The following RAD54B variants were observed in gnomAD, a reference collection of about 807,000 sequenced individuals.
RAD54B encodes RAD54 homolog B, also known as DNA repair and recombination protein RAD54B.
RAD54B carries 78 observed loss-of-function variants against 95.8 expected under a neutral mutation model. The ratio of observed to expected loss-of-function variants is 0.81; its 90% CI spans 0.68 to 0.98. The LOEUF (loss-of-function observed/expected upper bound fraction) is 0.98, where lower values mean the gene tolerates loss of function less well. Among genes scored for constraint, RAD54B ranks in the 50% least tolerant of loss-of-function variants. RAD54B has a pLI of 0.00. For synonymous variants in RAD54B, 328 were observed against 354.9 expected (o/e 0.92, Z 0.85); for missense variants, 957 against 1,056.6 (o/e 0.91, Z 1.31).
At chr8:94,453,884 C>T (rs1304868837) in intron 3 of RAD54B, among the ~76,000 whole-genome samples, 13 of 151,962 alleles carry the variant, frequency 8.6e-5, no homozygotes, top group African/African-American at 2.9e-4. Flanking sequence ...CTCTGCCTCC[C>T]GGGTTCAAGC....
intron 3 of RAD54B, chr8:94,428,146 C>A (rs1811990876): frequency 1.2e-6 from 1 of 860,560 alleles, no homozygotes; most frequent in Non-Finnish European, 1.4e-6. Flanking sequence ...AAGTGGCTAT[C>A]CACTATCTAA....
intron 3 of RAD54B, among the ~76,000 whole-genome samples, chr8:94,448,209 T>G (rs914907953): frequency 6.6e-6 from 1 of 152,100 alleles, no homozygotes; most frequent in African/African-American, 2.4e-5. Context: ...TTCTATAGTT[T>G]TGGGTTTTTT....
In RAD54B at chr8:94,407,406, A is replaced by G. The variant is rs115341573; in HGVS notation, c.781+33T>C. The G allele has an allele frequency of 5.0e-4, 775 of 1,556,594 alleles. 6 individuals carry two copies. The African/African-American group carries it at 9.5e-3, about 19-fold the overall frequency. On this transcript the variant is annotated intron_variant, in intron 5 of 14. Coordinates refer to ENST00000336148, the MANE Select transcript of RAD54B (RefSeq NM_012415.3). Reference sequence around the variant, plus strand: ...ACACAAAAAACATTTTGACAGTAAAAACAGAAAATTCAAATTATTTTTAAA... The same window carrying G: ...ACACAAAAAACATTTTGACAGTAAAGACAGAAAATTCAAATTATTTTTAAA...
intron 3 of RAD54B, among the ~76,000 whole-genome samples, chr8:94,422,587 CAAAAAAAAAAAAAAA>C (rs60701725): frequency 2.1e-4 from 3 of 14,296 alleles, no homozygotes; most frequent in Non-Finnish European, 4.8e-4. Context: ...GACTTCGTCT[CAAAAAAAAAAAAAAA>C]AAAAAAAAAA....
At chr8:94,387,240 A>G in intron 10 of RAD54B, 81 bp from the exon 11 acceptor site, 1 of 1,180,088 alleles carries the variant, frequency 8.5e-7, no homozygotes. Flanking sequence ...TTATGGAAGG[A>G]AAAAGGTGAA....
rs1412651660 is a variant in RAD54B at position 94,381,010 on chromosome 8, G to A, written c.1986-604C>T. On this transcript the variant is annotated intron_variant, in intron 11 of 14. Transcript: ENST00000336148. ...AGGGAACTGACTGTAGAAGGCAGGA[G>A]AGCCAATGTAGTGGCTTATGCCTGT... Among the ~76,000 whole-genome samples the A allele has an allele frequency of 2.6e-5, 4 of 152,184 alleles. No individual in the cohort carries two copies. The South Asian group carries it at 6.2e-4, about 24-fold the overall frequency.
intron 4 of RAD54B, among the ~76,000 whole-genome samples, chr8:94,410,385 G>T (rs1388378370): frequency 6.6e-6 from 1 of 152,038 alleles, no homozygotes; most frequent in Admixed American, 6.6e-5. Flanking sequence ...ACTTTGCTTT[G>T]TTCCCACTAA....
chr8:94,393,918 T>G, intron 8 of RAD54B, 36 bp from the exon 9 acceptor site: 1 of 1,538,324 alleles, frequency 6.5e-7, no homozygotes, highest in Non-Finnish European at 8.8e-7. Flanking sequence ...AGGTCAAGTT[T>G]GTGTTTTACA....
intron 3 of RAD54B, chr8:94,431,237 G>C (rs1187822008): frequency 2.1e-6 from 2 of 960,146 alleles, no homozygotes; most frequent in Non-Finnish European, 2.5e-6. Flanking sequence ...GATTTTTACT[G>C]TGAAAGAAAT....
Position 94,400,429 on chromosome 8 carries a change from C to G in RAD54B, c.979G>C (p.Glu327Gln), listed in dbSNP as rs777985585. 1 of 1,613,068 alleles carries G rather than the reference C, an allele frequency of 6.2e-7. No homozygotes were observed. The highest frequency in any genetic ancestry group is 1.1e-5 in the South Asian group (1 of 90,920). ...TGCAATGTCTTCCCTAAACCCATTT[C>G]ATCAGCAAGAATAGCTCCACATCTG... is the stretch of plus-strand genomic sequence containing the variant. Reference protein sequence around the residue: ...NGRCGAILADEMGLGKTLQCI... With the variant: ...NGRCGAILADQMGLGKTLQCI... The change falls in exon 7 of 15, where the codon GAA becomes CAA. Residue 327 changes from glutamate to glutamine, a missense_variant. Glu to Gln is a conservative substitution (Grantham distance 29). Coordinates refer to ENST00000336148, the MANE Select transcript of RAD54B (RefSeq NM_012415.3).
At chr8:94,474,027 C>T (rs1813232661) in intron 1 of RAD54B, among the ~76,000 whole-genome samples, 2 of 152,118 alleles carry the variant, frequency 1.3e-5, no homozygotes, top group Non-Finnish European at 2.9e-5. Flanking sequence ...GGTAGGCTAG[C>T]GCAGCCATAA....
chr8:94,426,482 A>G (rs1473058904), intron 3 of RAD54B, among the ~76,000 whole-genome samples: 1 of 152,198 alleles, frequency 6.6e-6, no homozygotes, highest in African/African-American at 2.4e-5. Flanking sequence ...TAATGGATAA[A>G]AAGTGTGGTA....
chr8:94,462,193 C>T (rs957270657), intron 2 of RAD54B, among the ~76,000 whole-genome samples: 19 of 152,144 alleles, frequency 1.2e-4, no homozygotes, highest in Non-Finnish European at 2.6e-4. Context: ...CACATAATAT[C>T]GGTTTGTTCC....
intron 12 of RAD54B, among the ~76,000 whole-genome samples, 164 bp downstream of exon 12, chr8:94,379,981 G>C (rs1279972022): frequency 2.6e-5 from 4 of 152,166 alleles, no homozygotes; most frequent in African/African-American, 9.7e-5. Context: ...TTGTAGGCTT[G>C]TTAGGAGGAT....
At chr8:94,446,786 G>C (rs1218795931) in intron 3 of RAD54B, among the ~76,000 whole-genome samples, 1 of 152,092 alleles carries the variant, frequency 6.6e-6, no homozygotes, top group East Asian at 1.9e-4. Context: ...CCCTCCCAGA[G>C]TATGGTTCAT....
intron 9 of RAD54B, among the ~76,000 whole-genome samples, chr8:94,392,123 A>G (rs959364675): frequency 6.6e-6 from 1 of 152,238 alleles, no homozygotes; most frequent in Non-Finnish European, 1.5e-5. Flanking sequence ...ATAACAAAAT[A>G]ATGATATATC....
chr8:94,397,101 A>T (rs891743978), intron 8 of RAD54B, among the ~76,000 whole-genome samples: 2 of 152,116 alleles, frequency 1.3e-5, no homozygotes, highest in Non-Finnish European at 2.9e-5. Flanking sequence ...CTATCAATCA[A>T]ACTGAATCCT....
At chr8:94,416,382 G>T (rs1211412967) in intron 3 of RAD54B, among the ~76,000 whole-genome samples, 1 of 152,050 alleles carries the variant, frequency 6.6e-6, no homozygotes, top group African/African-American at 2.4e-5. Context: ...GGGGCGAGGG[G>T]GGAGGGATAG....
chr8:94,452,575 T>G (rs1812685999), intron 3 of RAD54B, among the ~76,000 whole-genome samples: 1 of 152,164 alleles, frequency 6.6e-6, no homozygotes, highest in Non-Finnish European at 1.5e-5. Context: ...CTCAGCTCAC[T>G]GCAAGCTCCG....
Sources: gnomAD v4.1 joint callset for allele counts (sites outside exome capture counted in the v4.1 genomes callset) on GRCh38, gnomAD v4.1.1 for gene constraint, MANE v1.5 for transcripts, NCBI Gene and HGNC (gene_info 2026-07-23, HGNC 2026-07-21) for gene names.